Variants in NSMCE2 observed in about 807,000 individuals in gnomAD.
NSMCE2 encodes the protein NSE2 SUMO ligase component of SMC5/6 complex.
A neutral mutation model predicts 23.8 loss-of-function variants in NSMCE2; 24 were observed. The observed-to-expected ratio is 1.01, with a 90% confidence interval of 0.73 to 1.42. NSMCE2 has a LOEUF of 1.42. Ranked by LOEUF, NSMCE2 falls within the 40% of genes most tolerant of loss-of-function variation. The probability of loss-of-function intolerance (pLI) is 0.00; values close to 1 mark genes in which losing one functional copy is unlikely to be tolerated. For synonymous variants in NSMCE2, 92 were observed against 94.1 expected, an observed-to-expected ratio of 0.98 and a Z score of 0.13; for missense variants, 284 against 296.5, an observed-to-expected ratio of 0.96 and a Z score of 0.31.
At chr8:125,326,613 T>C (rs1305666391) in intron 5 of NSMCE2, among the ~76,000 whole-genome samples, 1 of 148,288 alleles carries the variant, frequency 6.7e-6, no homozygotes, top group Non-Finnish European at 1.5e-5. Context: ...TTGAAAACCA[T>C]ATATGTGCAT....
At chr8:125,191,323 T>A (rs1823333740) in intron 5 of NSMCE2, among the ~76,000 whole-genome samples, 1 of 152,200 alleles carries the variant, frequency 6.6e-6, no homozygotes, top group Non-Finnish European at 1.5e-5. Context: ...ACAGCCCATG[T>A]TCTTTCCCAC....
chr8:125,283,524 T>TA (rs1194385541), intron 5 of NSMCE2, among the ~76,000 whole-genome samples: 1 of 152,016 alleles, frequency 6.6e-6, no homozygotes, highest in Non-Finnish European at 1.5e-5. Context: ...TCAAAAAAAT[T>TA]AAAAAAGAAT....
In NSMCE2 at chr8:125,182,121, G is replaced by T; in HGVS notation, c.283G>T (p.Glu95Ter). The change falls in exon 5 of 8, where the codon GAA becomes TAA. Residue 95 changes from glutamate to a stop codon, truncating the protein, a stop_gained. Coordinates refer to ENST00000287437, the MANE Select transcript of NSMCE2 (RefSeq NM_173685.4). LOFTEE classifies it high-confidence loss of function. ...CCCTTAGGTGAAAGAAGAACGTCCA[G>T]AAAAAATACCAGATTTAAAATTATT... Reference protein sequence around the residue: ...TINHVKEERPEKIPDLKLLVE... With the variant: ...TINHVKEERP 1 of 1,597,678 alleles carries T rather than the reference G, an allele frequency of 6.3e-7. No homozygotes were observed. The highest frequency in any genetic ancestry group is 8.5e-7 in the Non-Finnish European group (1 of 1,174,660).
intron 5 of NSMCE2, among the ~76,000 whole-genome samples, chr8:125,222,509 A>G (rs1824909269): frequency 6.6e-6 from 1 of 151,888 alleles, no homozygotes; most frequent in Non-Finnish European, 1.5e-5. Flanking sequence ...ACATCTCCAC[A>G]TTTTCCCAAC....
At chr8:125,229,375 C>G (rs1419349943) in intron 5 of NSMCE2, among the ~76,000 whole-genome samples, 1 of 152,048 alleles carries the variant, frequency 6.6e-6, no homozygotes, top group African/African-American at 2.4e-5. Flanking sequence ...TATTTTTGAG[C>G]ATGTATCCCA....
At chr8:125,190,930 G>C (rs1823316031) in intron 5 of NSMCE2, among the ~76,000 whole-genome samples, 1 of 152,102 alleles carries the variant, frequency 6.6e-6, no homozygotes, top group African/African-American at 2.4e-5. Flanking sequence ...GAGTGCAGTG[G>C]CATGATCTCG....
At chr8:125,137,851 G>A (rs1447396866) in intron 3 of NSMCE2, among the ~76,000 whole-genome samples, 3 of 152,172 alleles carry the variant, frequency 2.0e-5, no homozygotes, top group Admixed American at 6.6e-5. Context: ...TAATGATAAT[G>A]TCTTCTTCAC....
intron 5 of NSMCE2, among the ~76,000 whole-genome samples, chr8:125,331,999 C>G (rs1019668218): frequency 5.9e-5 from 9 of 152,160 alleles, no homozygotes; most frequent in African/African-American, 2.2e-4. Context: ...CTATTTAATT[C>G]TCACAACATC....
chr8:125,337,884 C>CA (rs35658538), intron 5 of NSMCE2, among the ~76,000 whole-genome samples: 6,308 of 97,198 alleles, frequency 0.065, 241 homozygotes, highest in South Asian at 0.16. Flanking sequence ...AACTCTATCT[C>CA]AAAAAAAAAA....
At chr8:125,110,696 G>C (rs1308812235) in intron 3 of NSMCE2, among the ~76,000 whole-genome samples, 2 of 150,896 alleles carry the variant, frequency 1.3e-5, no homozygotes, top group South Asian at 2.1e-4. Context: ...TATTGTGCCA[G>C]CGTCATGGCC....
intron 5 of NSMCE2, among the ~76,000 whole-genome samples, chr8:125,195,658 A>C (rs1187759757): frequency 6.6e-6 from 1 of 152,136 alleles, no homozygotes; most frequent in Non-Finnish European, 1.5e-5. Context: ...AAAATAGACA[A>C]GTCTCTATGC....
At chr8:125,093,790 GA>G (rs898701348) in intron 1 of NSMCE2, among the ~76,000 whole-genome samples, 2 of 151,946 alleles carry the variant, frequency 1.3e-5, no homozygotes, top group African/African-American at 2.4e-5. Context: ...GCAGGATGAG[GA>G]AAAGTCCTCT....
chr8:125,247,936 A>G (rs1381189914), intron 5 of NSMCE2, among the ~76,000 whole-genome samples: 2 of 152,192 alleles, frequency 1.3e-5, no homozygotes, highest in Non-Finnish European at 2.9e-5. Flanking sequence ...TTAAGTTCCA[A>G]TGGGAGAATG....
intron 5 of NSMCE2, among the ~76,000 whole-genome samples, chr8:125,250,543 T>C (rs16900469): frequency 0.017 from 2,543 of 152,366 alleles, 75 homozygotes; most frequent in African/African-American, 0.058. Flanking sequence ...GTTTCACTTA[T>C]ATTCTCATGA....
intron 5 of NSMCE2, among the ~76,000 whole-genome samples, chr8:125,292,655 A>G (rs755357028): frequency 3.3e-5 from 5 of 152,232 alleles, no homozygotes; most frequent in Non-Finnish European, 7.3e-5. Context: ...AGATCATTTC[A>G]GATAAGTTAT....
intron 5 of NSMCE2, among the ~76,000 whole-genome samples, chr8:125,203,300 T>C (rs1415410542): frequency 2.0e-5 from 3 of 152,100 alleles, no homozygotes; most frequent in Non-Finnish European, 4.4e-5. Context: ...GTCAACCTGT[T>C]TGCCAGATTA....
chr8:125,238,306 G>T (rs940266153), intron 5 of NSMCE2, among the ~76,000 whole-genome samples: 1 of 152,094 alleles, frequency 6.6e-6, no homozygotes, highest in African/African-American at 2.4e-5. Context: ...AGTCCCAATA[G>T]CATTTCAAAG....
At chr8:125,256,922 C>CAAAAAAAAAAAAAAAAAAAAAAAA (rs60308659) in intron 5 of NSMCE2, among the ~76,000 whole-genome samples, 1 of 26,056 alleles carries the variant, frequency 3.8e-5, no homozygotes, top group African/African-American at 1.1e-4. Flanking sequence ...GACTCTGTGT[C>CAAAAAAAAAAAAAAAAAAAAAAAA]AAAAAAAAAA....
At chr8:125,198,274 A>G (rs894642736) in intron 5 of NSMCE2, among the ~76,000 whole-genome samples, 1 of 152,192 alleles carries the variant, frequency 6.6e-6, no homozygotes, top group African/African-American at 2.4e-5. Context: ...CCGGTTTTCA[A>G]AGGGAATGCT....
Sources: gnomAD v4.1 joint callset for allele counts (sites outside exome capture counted in the v4.1 genomes callset) on GRCh38, gnomAD v4.1.1 for gene constraint, MANE v1.5 for transcripts, NCBI Gene and HGNC (gene_info 2026-07-23, HGNC 2026-07-21) for gene names.